The following NXPE4 variants were observed in gnomAD, a reference collection of about 807,000 sequenced individuals.
NXPE4 encodes NXPE family member 4.
NXPE4 carries 42 observed loss-of-function variants against 33.3 expected under a neutral mutation model. The observed-to-expected ratio is 1.26, with a 90% CI of 0.98 to 1.63. The LOEUF (loss-of-function observed/expected upper bound fraction) is 1.63. Among genes scored for constraint, NXPE4 ranks in the 40% most tolerant of loss-of-function variants. NXPE4 has a pLI of 0.00. For synonymous variants in NXPE4, 253 were observed against 234.9 expected, an observed-to-expected ratio of 1.08 and a Z score of -0.71; for missense variants, 709 against 647.6, an observed-to-expected ratio of 1.09 and a Z score of -1.03.
the NXPE4 span, among the ~76,000 whole-genome samples, chr11:114,645,224 C>T: frequency 6.6e-6 from 1 of 151,996 alleles, no homozygotes; most frequent in South Asian, 2.1e-4. Context: ...TCACTTGAAC[C>T]CGAGAGGCAG....
chr11:114,606,404 C>T, the NXPE4 span, among the ~76,000 whole-genome samples: 93 of 149,490 alleles, frequency 6.2e-4, 3 homozygotes, highest in African/African-American at 1.9e-3. Context: ...CACTGTTACC[C>T]GGTGGATAAT....
chr11:114,660,888 G>A, the NXPE4 span, among the ~76,000 whole-genome samples: 11 of 152,208 alleles, frequency 7.2e-5, no homozygotes, highest in East Asian at 2.1e-3. Flanking sequence ...TTTAGTGTCA[G>A]CAAGATTATA....
At chr11:114,628,005 C>T in the NXPE4 span, among the ~76,000 whole-genome samples, 3 of 151,660 alleles carry the variant, frequency 2.0e-5, no homozygotes, top group East Asian at 5.8e-4. Context: ...CACAGGAGCA[C>T]CTAGATTCAT....
At chr11:114,609,295 A>T in the NXPE4 span, among the ~76,000 whole-genome samples, 1 of 151,572 alleles carries the variant, frequency 6.6e-6, no homozygotes, top group Non-Finnish European at 1.5e-5. Flanking sequence ...TACCCGGTGG[A>T]TAATAAGTAT....
upstream of NXPE4, among the ~76,000 whole-genome samples, chr11:114,596,471 A>C (rs1415099968): frequency 1.3e-5 from 2 of 152,146 alleles, no homozygotes; most frequent in East Asian, 1.9e-4. Flanking sequence ...CATGCCCATC[A>C]ATCTTTCCAG....
chr11:114,659,671 G>A, the NXPE4 span, among the ~76,000 whole-genome samples: 4 of 152,054 alleles, frequency 2.6e-5, no homozygotes, highest in Admixed American at 6.6e-5. Flanking sequence ...TGCAGGTAAA[G>A]CAGTGTTTGA....
At chr11:114,651,370 G>A in the NXPE4 span, among the ~76,000 whole-genome samples, 1 of 152,074 alleles carries the variant, frequency 6.6e-6, no homozygotes, top group African/African-American at 2.4e-5. Flanking sequence ...TCCTCCTGGT[G>A]GGTTCGTGGT....
At chr11:114,637,243 T>G in the NXPE4 span, among the ~76,000 whole-genome samples, 1 of 151,956 alleles carries the variant, frequency 6.6e-6, no homozygotes, top group East Asian at 1.9e-4. Flanking sequence ...CTTTTGATCT[T>G]TGTTGGTTTA....
chr11:114,623,793 T>C, the NXPE4 span, among the ~76,000 whole-genome samples: 6 of 151,596 alleles, frequency 4.0e-5, no homozygotes, highest in Non-Finnish European at 5.9e-5. Flanking sequence ...ACTCTTACCC[T>C]ATGGATAACA....
the NXPE4 span, among the ~76,000 whole-genome samples, chr11:114,633,435 A>C: frequency 6.8e-6 from 1 of 146,494 alleles, no homozygotes; most frequent in South Asian, 2.1e-4. Context: ...AATATAGTAT[A>C]GTATACAATG....
the NXPE4 span, among the ~76,000 whole-genome samples, chr11:114,653,531 C>T: frequency 7.5e-5 from 9 of 119,302 alleles, no homozygotes. Context: ...GTCCTGCTTT[C>T]CCTTTTTTTT....
At chr11:114,657,198 C>T in the NXPE4 span, among the ~76,000 whole-genome samples, 1 of 152,154 alleles carries the variant, frequency 6.6e-6, no homozygotes. Context: ...ATGGAATTCC[C>T]CTGATGCCTT....
the NXPE4 span, among the ~76,000 whole-genome samples, chr11:114,675,772 A>C: frequency 1.3e-5 from 2 of 151,966 alleles, no homozygotes; most frequent in African/African-American, 4.8e-5. Context: ...ATGGAACCAC[A>C]AAAGACCGCA....
In NXPE4 at chr11:114,582,323, A is replaced by G. The variant is rs763231355; in HGVS notation, c.795T>C (p.Ser265=). The G allele has an allele frequency of 8.8e-6, 14 of 1,594,166 alleles. No individual in the cohort carries two copies. The highest frequency in any genetic ancestry group is 1.2e-5 in the Non-Finnish European group (14 of 1,170,312). ...GGCTCTTTTCTTGTTTGCTAAGATA[A>G]GAAACTTTCTTGTTCTTAGAATACA... ...THMYSKNKKV[S]YLSKQEKSLF... is the part of the protein sequence containing the mutation. The change falls in exon 3 of 6, where the codon TCT becomes TCC. Residue 265 remains serine, a synonymous_variant. Transcript: ENST00000375478.
chr11:114,615,497 G>T, the NXPE4 span, among the ~76,000 whole-genome samples: 4 of 151,324 alleles, frequency 2.6e-5, no homozygotes, highest in Non-Finnish European at 1.5e-5. Context: ...ACTGTTACCT[G>T]GTGGATAATA....
intron 2 of NXPE4, among the ~76,000 whole-genome samples, chr11:114,586,920 GT>G (rs372415706): frequency 1.9e-4 from 29 of 152,236 alleles, no homozygotes; most frequent in African/African-American, 5.8e-4. Flanking sequence ...TGGGATTGCC[GT>G]TTTTGTGATT....
At chr11:114,584,935 G>A (rs1047521327) in intron 2 of NXPE4, among the ~76,000 whole-genome samples, 21 of 152,204 alleles carry the variant, frequency 1.4e-4, no homozygotes, top group Middle Eastern at 3.4e-3. Context: ...CATAAAAGGC[G>A]CCAGGTCTGG....
the NXPE4 span, among the ~76,000 whole-genome samples, chr11:114,644,057 C>A: frequency 8.0e-6 from 1 of 124,448 alleles, no homozygotes; most frequent in African/African-American, 3.4e-5. Context: ...TGTTTTGGCT[C>A]TCTATTATTG....
At chr11:114,631,986 T>C in the NXPE4 span, among the ~76,000 whole-genome samples, 11 of 149,120 alleles carry the variant, frequency 7.4e-5, no homozygotes, top group Non-Finnish European at 1.6e-4. Flanking sequence ...AAATATTGCC[T>C]CATAGGTAAC....
Sources: gnomAD v4.1 joint callset for allele counts (sites outside exome capture counted in the v4.1 genomes callset) on GRCh38, gnomAD v4.1.1 for gene constraint, MANE v1.5 for transcripts, NCBI Gene and HGNC (gene_info 2026-07-23, HGNC 2026-07-21) for gene names.